Variants in GARIN2 observed in about 807,000 individuals in gnomAD.
GARIN2 encodes the protein Golgi-associated RAB2 interactor protein 2.
chr14:67,205,501 A>G, the GARIN2 span, among the ~76,000 whole-genome samples: 1 of 152,186 alleles, frequency 6.6e-6, no homozygotes, highest in Admixed American at 6.5e-5. Context: ...ATATAGCAGT[A>G]CCCAGTACCT....
the GARIN2 span, among the ~76,000 whole-genome samples, chr14:67,195,003 G>A: frequency 3.3e-4 from 51 of 152,268 alleles, 2 homozygotes; most frequent in South Asian, 0.01. Context: ...CCACGCCCAA[G>A]CCTGGACTAA....
At chr14:67,204,388 A>G in the GARIN2 span, 1 of 1,131,512 alleles carries the variant, frequency 8.8e-7, no homozygotes, top group Non-Finnish European at 1.2e-6. Context: ...GCAGTGAGCC[A>G]TGATCGCATC....
the GARIN2 span, among the ~76,000 whole-genome samples, chr14:67,191,802 C>A: frequency 6.6e-6 from 1 of 152,282 alleles, no homozygotes; most frequent in South Asian, 2.1e-4. Flanking sequence ...GAAGAACTAG[C>A]GTTGGTTTCC....
chr14:67,205,627 C>T, the GARIN2 span, among the ~76,000 whole-genome samples: 3 of 152,212 alleles, frequency 2.0e-5, no homozygotes, highest in South Asian at 2.1e-4. Context: ...CAGAGAGTCA[C>T]GTCCAAAAAT....
At chr14:67,208,586 A>T in the GARIN2 span, 2 of 964,826 alleles carry the variant, frequency 2.1e-6, no homozygotes, top group African/African-American at 3.3e-5. Context: ...GAATGATGAT[A>T]TAGTCAACTC....
chr14:67,216,066 T>G, the GARIN2 span, among the ~76,000 whole-genome samples: 1 of 152,146 alleles, frequency 6.6e-6, no homozygotes, highest in Non-Finnish European at 1.5e-5. Context: ...CACACACGCC[T>G]CCCACCGTGT....
the GARIN2 span, among the ~76,000 whole-genome samples, chr14:67,192,552 A>C: frequency 6.6e-6 from 1 of 151,622 alleles, no homozygotes; most frequent in African/African-American, 2.4e-5. Context: ...GCAGAGTGCA[A>C]GGAGCTTATC....
At chr14:67,200,167 C>A in the GARIN2 span, 2 of 1,161,156 alleles carry the variant, frequency 1.7e-6, no homozygotes, top group Non-Finnish European at 2.4e-6. Context: ...TCCTATGCCT[C>A]CACATGGTAT....
At chr14:67,204,778 G>A in the GARIN2 span, 2 of 1,613,952 alleles carry the variant, frequency 1.2e-6, no homozygotes, top group African/African-American at 1.3e-5. Flanking sequence ...AGACATCACA[G>A]GCTCCATGGA....
chr14:67,224,281 CAG>C, the GARIN2 span, among the ~76,000 whole-genome samples: 1 of 139,008 alleles, frequency 7.2e-6, no homozygotes, highest in Non-Finnish European at 1.5e-5. Context: ...TTTTTTGAGA[CAG>C]AGTCTTACTC....
chr14:67,204,810 C>G, the GARIN2 span: 7 of 1,613,978 alleles, frequency 4.3e-6, no homozygotes, highest in South Asian at 7.7e-5. Context: ...TCACCACGTT[C>G]ACAGCCATCC....
the GARIN2 span, among the ~76,000 whole-genome samples, chr14:67,201,279 A>T: frequency 5.2e-4 from 79 of 152,320 alleles, no homozygotes; most frequent in Non-Finnish European, 9.3e-4. Flanking sequence ...GGATGATAAG[A>T]CAAGACTTTG....
chr14:67,208,439 G>A, the GARIN2 span: 321 of 1,613,188 alleles, frequency 2.0e-4, no homozygotes, highest in African/African-American at 4.2e-3. Context: ...TCTCAAGGCT[G>A]AAGAATCCAG....
chr14:67,225,926 A>AGTGTGTGT, the GARIN2 span, among the ~76,000 whole-genome samples: 6,959 of 136,546 alleles, frequency 0.051, 233 homozygotes, highest in Non-Finnish European at 0.067. Context: ...TAATGCTGTG[A>AGTGTGTGT]GTGTGTGTGT....
chr14:67,206,431 G>A, the GARIN2 span, among the ~76,000 whole-genome samples: 5 of 152,148 alleles, frequency 3.3e-5, no homozygotes, highest in Admixed American at 3.3e-4. Flanking sequence ...GGGAGGTGGA[G>A]GTTGCAGTGA....
the GARIN2 span, chr14:67,204,494 C>T: frequency 6.4e-7 from 1 of 1,561,532 alleles, no homozygotes; most frequent in South Asian, 1.2e-5. Flanking sequence ...TTATAAGCCT[C>T]CCATCAGGTC....
the GARIN2 span, chr14:67,221,749 A>G: frequency 6.2e-7 from 1 of 1,611,708 alleles, no homozygotes; most frequent in Non-Finnish European, 8.5e-7. Flanking sequence ...ATGCTGGCAA[A>G]TTTTTGAGAT....
the GARIN2 span, among the ~76,000 whole-genome samples, chr14:67,217,273 C>T: frequency 6.6e-6 from 1 of 151,460 alleles, no homozygotes; most frequent in Non-Finnish European, 1.5e-5. Context: ...TGTTTCATTT[C>T]TTCACTTTCA....
chr14:67,222,795 C>CA, the GARIN2 span, among the ~76,000 whole-genome samples: 2 of 151,900 alleles, frequency 1.3e-5, no homozygotes, highest in Non-Finnish European at 2.9e-5. Flanking sequence ...GCCTCAGCTT[C>CA]AGTCATGCAC....
Sources: allele counts gnomAD v4.1 joint callset (sites outside exome capture counted in the v4.1 genomes callset), GRCh38; gene constraint gnomAD v4.1.1; transcripts MANE v1.5; gene names NCBI Gene and HGNC (gene_info 2026-07-23, HGNC 2026-07-21).